Variants in ROBO1 observed in about 807,000 individuals in gnomAD.
ROBO1 encodes roundabout guidance receptor 1.
ROBO1 carries 149 observed loss-of-function variants against 195.9 expected under a neutral mutation model. The observed-to-expected ratio is 0.76, with a 90% CI of 0.67 to 0.87. The LOEUF (loss-of-function observed/expected upper bound fraction) is 0.87, where lower values mean the gene tolerates loss of function less well. Ranked by LOEUF, ROBO1 falls within the 40% of genes least tolerant of loss-of-function variation. The probability of loss-of-function intolerance (pLI) is 0.00; values close to 1 mark genes in which losing one functional copy is unlikely to be tolerated. For synonymous variants in ROBO1, 816 were observed against 733.2 expected, an observed-to-expected ratio of 1.11 and a Z score of -1.82; for missense variants, 1,933 against 2,068.3, an observed-to-expected ratio of 0.93 and a Z score of 1.27.
intron 2 of ROBO1, among the ~76,000 whole-genome samples, chr3:79,260,937 G>A (rs932940023): frequency 6.6e-6 from 1 of 152,014 alleles, no homozygotes; most frequent in Non-Finnish European, 1.5e-5. Context: ...ATTTAATTTA[G>A]TATGGATTTT....
At chr3:79,404,392 C>T (rs1311666122) in intron 2 of ROBO1, among the ~76,000 whole-genome samples, 1 of 152,064 alleles carries the variant, frequency 6.6e-6, no homozygotes, top group Non-Finnish European at 1.5e-5. Flanking sequence ...ATTAACACAA[C>T]TATATCCACC....
chr3:78,914,697 T>C (rs916823722), intron 4 of ROBO1, among the ~76,000 whole-genome samples: 5 of 147,624 alleles, frequency 3.4e-5, no homozygotes, highest in South Asian at 2.1e-4. Context: ...ATAATTTATA[T>C]TTATAGGTAT....
intron 3 of ROBO1, among the ~76,000 whole-genome samples, chr3:79,066,643 A>G (rs1242156378): frequency 6.6e-6 from 1 of 151,886 alleles, no homozygotes; most frequent in Non-Finnish European, 1.5e-5. Context: ...TATCAGTGAA[A>G]ACTGCAAGCA....
intron 2 of ROBO1, among the ~76,000 whole-genome samples, chr3:79,316,021 C>T (rs952479521): frequency 2.6e-5 from 4 of 152,164 alleles, no homozygotes; most frequent in South Asian, 2.1e-4. Flanking sequence ...GTACTTTACA[C>T]GCAATTCTAA....
intron 2 of ROBO1, among the ~76,000 whole-genome samples, chr3:79,525,022 TA>T (rs1251051489): frequency 6.6e-6 from 1 of 151,892 alleles, no homozygotes; most frequent in Non-Finnish European, 1.5e-5. Flanking sequence ...ACATATCTAT[TA>T]AATACTTGGA....
chr3:79,447,907 C>A (rs2039317692), intron 2 of ROBO1, among the ~76,000 whole-genome samples: 1 of 152,160 alleles, frequency 6.6e-6, no homozygotes. Flanking sequence ...GCTGCTGTTA[C>A]TAGTACTACA....
intron 1 of ROBO1, among the ~76,000 whole-genome samples, chr3:79,645,581 T>C (rs2106704116): frequency 6.6e-6 from 1 of 152,164 alleles, no homozygotes; most frequent in East Asian, 1.9e-4. Context: ...TGCAACCCTA[T>C]CAAAATACCA....
chr3:79,500,125 T>TC (rs1166862591), intron 2 of ROBO1, among the ~76,000 whole-genome samples: 1 of 35,990 alleles, frequency 2.8e-5, no homozygotes, highest in African/African-American at 3.1e-4. Flanking sequence ...TTCTCTTTTT[T>TC]TTTTTTTTTT....
chr3:79,469,123 A>T (rs1938128254), intron 2 of ROBO1, among the ~76,000 whole-genome samples: 1 of 152,150 alleles, frequency 6.6e-6, no homozygotes, highest in Non-Finnish European at 1.5e-5. Context: ...ATCAGTGGCA[A>T]ATATCTCTTG....
intron 2 of ROBO1, among the ~76,000 whole-genome samples, chr3:79,581,554 G>A (rs2107789962): frequency 6.6e-6 from 1 of 152,164 alleles, no homozygotes; most frequent in East Asian, 1.9e-4. Context: ...ACACAGTACC[G>A]AAGTACAGCT....
intron 2 of ROBO1, among the ~76,000 whole-genome samples, chr3:79,320,225 C>T (rs74495902): frequency 0.018 from 2,674 of 152,256 alleles, 35 homozygotes; most frequent in Non-Finnish European, 0.028. Context: ...TATGCTTGCA[C>T]GGTGGAGTAT....
intron 22 of ROBO1, among the ~76,000 whole-genome samples, chr3:78,636,444 T>C (rs530669892): frequency 6.6e-6 from 1 of 152,274 alleles, no homozygotes; most frequent in African/African-American, 2.4e-5. Context: ...TGTATATCTT[T>C]ATGTGTCAAC....
intron 3 of ROBO1, among the ~76,000 whole-genome samples, chr3:79,021,050 G>A (rs188007467): frequency 1.2e-4 from 18 of 152,234 alleles, no homozygotes; most frequent in Admixed American, 4.6e-4. Context: ...GCGACATTTT[G>A]TGGAAACTCT....
At chr3:79,218,625 A>G (rs931907765) in intron 2 of ROBO1, among the ~76,000 whole-genome samples, 4 of 152,142 alleles carry the variant, frequency 2.6e-5, no homozygotes, top group African/African-American at 9.6e-5. Context: ...AACTGAGTAT[A>G]CAATATTAGC....
At chr3:79,514,556 C>A (rs1037416470) in intron 2 of ROBO1, among the ~76,000 whole-genome samples, 1 of 151,890 alleles carries the variant, frequency 6.6e-6, no homozygotes, top group African/African-American at 2.4e-5. Flanking sequence ...CTGTACTGGT[C>A]CTTGTCTATA....
chr3:79,227,411 GT>G (rs2108842246), intron 2 of ROBO1, among the ~76,000 whole-genome samples: 1 of 152,036 alleles, frequency 6.6e-6, no homozygotes, highest in South Asian at 2.1e-4. Context: ...TTCTACCTCG[GT>G]CTTCCCTACT....
chr3:79,566,655 A>G (rs1004325243), intron 2 of ROBO1, among the ~76,000 whole-genome samples: 1 of 152,152 alleles, frequency 6.6e-6, no homozygotes, highest in African/African-American at 2.4e-5. Context: ...TCCGTCATGC[A>G]GGAATGTTTA....
chr3:79,234,961 C>T (rs1416782785), intron 2 of ROBO1, among the ~76,000 whole-genome samples: 1 of 151,988 alleles, frequency 6.6e-6, no homozygotes, highest in African/African-American at 2.4e-5. Context: ...ACACGTACCA[C>T]CTGAATCTAA....
intron 4 of ROBO1, among the ~76,000 whole-genome samples, chr3:78,784,112 A>C (rs542708969): frequency 6.6e-6 from 1 of 152,296 alleles, no homozygotes; most frequent in African/African-American, 2.4e-5. Context: ...TTATAGAGGT[A>C]AGCATATCCA....
Sources: allele counts gnomAD v4.1 joint callset (sites outside exome capture counted in the v4.1 genomes callset), GRCh38; gene constraint gnomAD v4.1.1; transcripts MANE v1.5; gene names NCBI Gene and HGNC (gene_info 2026-07-23, HGNC 2026-07-21).